Variants in PTPRG observed in about 807,000 individuals in gnomAD.
PTPRG encodes the protein protein tyrosine phosphatase receptor type G, also known as receptor-type tyrosine-protein phosphatase gamma.
A neutral mutation model predicts 165.3 loss-of-function variants in PTPRG; 102 were observed. The observed-to-expected ratio is 0.62, with a 90% confidence interval of 0.53 to 0.73. The LOEUF (loss-of-function observed/expected upper bound fraction) is 0.73. Ranked by LOEUF, PTPRG falls within the 30% of genes least tolerant of loss-of-function variation. PTPRG has a pLI of 0.00. For missense variants in PTPRG, 1,866 were observed against 1,861.4 expected, an observed-to-expected ratio of 1.00 and a Z score of -0.05; for synonymous variants, 675 against 669.5, an observed-to-expected ratio of 1.01 and a Z score of -0.13.
At chr3:61,793,797 GCT>G (rs1386905204) in intron 2 of PTPRG, among the ~76,000 whole-genome samples, 1 of 152,090 alleles carries the variant, frequency 6.6e-6, no homozygotes, top group African/African-American at 2.4e-5. Context: ...GTTTCCTTGA[GCT>G]AAAAGGACCA....
intron 8 of PTPRG, among the ~76,000 whole-genome samples, chr3:62,185,335 A>C (rs780256317): frequency 1.3e-5 from 2 of 152,196 alleles, no homozygotes; most frequent in African/African-American, 4.8e-5. Flanking sequence ...CACCTCCCGC[A>C]TGGTTAAAAG....
At chr3:62,012,270 C>A (rs188153533) in intron 4 of PTPRG, among the ~76,000 whole-genome samples, 1 of 152,090 alleles carries the variant, frequency 6.6e-6, no homozygotes, top group Non-Finnish European at 1.5e-5. Context: ...AATCTGGGCT[C>A]GAATATCTCC....
intron 1 of PTPRG, among the ~76,000 whole-genome samples, chr3:61,642,998 C>G (rs1358626521): frequency 6.6e-6 from 1 of 152,134 alleles, no homozygotes; most frequent in Admixed American, 6.5e-5. Context: ...TTTACAGTAA[C>G]TACAGAGGAC....
rs954373441 is a variant in PTPRG, at chr3:62,004,308, C to T, written c.519+811C>T. ...GTGGAAGAACAAAATAGATGTGGTT[C>T]TGAAACCTGCCCAATAGTCCTATAG... is the stretch of plus-strand genomic sequence containing the variant. On this transcript the variant is annotated intron_variant, in intron 4 of 29. Transcript: ENST00000474889. 1.4e-4 allele frequency among the ~76,000 whole-genome samples: 22 copies of T among 152,156 alleles called. 1 individual carries two copies. The highest frequency in any genetic ancestry group is 1.4e-3 in the Admixed American group (22 of 15,278).
At chr3:61,653,613 G>A (rs917629928) in intron 1 of PTPRG, among the ~76,000 whole-genome samples, 5 of 152,142 alleles carry the variant, frequency 3.3e-5, no homozygotes, top group Non-Finnish European at 7.3e-5. Flanking sequence ...GTCCAGCTGC[G>A]TATGTGTAGC....
intron 5 of PTPRG, among the ~76,000 whole-genome samples, chr3:62,102,686 C>T (rs1702333106): frequency 1.3e-5 from 2 of 152,018 alleles, no homozygotes. Context: ...CAGAATAAAT[C>T]ATCACTACTC....
chr3:61,767,597 G>T (rs189005005), intron 2 of PTPRG, among the ~76,000 whole-genome samples: 135 of 152,280 alleles, frequency 8.9e-4, no homozygotes, highest in African/African-American at 3.2e-3. Flanking sequence ...AATATAAAAG[G>T]TAGAAAATAT....
At position 62,190,043 on chromosome 3, in the gene PTPRG, TTCCTCTCCC is replaced by T. The variant is rs1267539377; in HGVS notation, c.1034-1413_1034-1405del. Among the ~76,000 whole-genome samples, 1 of 152,142 alleles carries T rather than the reference TTCCTCTCCC, an allele frequency of 6.6e-6. No homozygotes were observed. Among genetic ancestry groups the T allele is most frequent in the South Asian group, 2.1e-4 (1 of 4,828 alleles). On this transcript the variant is annotated intron_variant, in intron 8 of 29. Coordinates refer to ENST00000474889, the MANE Select transcript of PTPRG (RefSeq NM_002841.4). The surrounding 1 kb of genome is among the most constrained non-coding windows in gnomAD (Gnocchi z 5.2). ...TGGGTGCCAAAGCCCGAGCCACCTC[TTCCTCTCCC>T]TCCTCTCCCTCCATCCTGTCCTGGC...
chr3:62,248,153 C>G (rs944685286), intron 15 of PTPRG, among the ~76,000 whole-genome samples: 2 of 152,006 alleles, frequency 1.3e-5, no homozygotes, highest in African/African-American at 4.8e-5. Flanking sequence ...AGTATTTATC[C>G]AGCTTGAAAG....
At chr3:61,767,665 T>G (rs1391938873) in intron 2 of PTPRG, among the ~76,000 whole-genome samples, 1 of 152,142 alleles carries the variant, frequency 6.6e-6, no homozygotes, top group East Asian at 1.9e-4. Flanking sequence ...TAAATGCAAG[T>G]TAAGATGAAT....
rs772315604 is a variant in PTPRG, at chr3:62,168,012, C to T, written c.882C>T (p.Asp294=). 3.1e-6 allele frequency: 5 copies of T among 1,613,702 alleles called. No homozygotes were observed. The Admixed American group carries it at 6.7e-5, about 22-fold the overall frequency. The change falls in exon 8 of 30, where the codon GAC becomes GAT. Residue 294 remains aspartate, a synonymous_variant. Coordinates refer to ENST00000474889, the MANE Select transcript of PTPRG (RefSeq NM_002841.4). ...FYSIFTTEQQ[D]HVKSVEYLRN... ...CCATCTTCACCACGGAGCAGCAAGA[C>T]CATGTCAAGTCGGTGGAGTATCTGA...
intron 5 of PTPRG, among the ~76,000 whole-genome samples, chr3:62,111,807 A>T (rs1702677926): frequency 6.6e-6 from 1 of 152,052 alleles, no homozygotes; most frequent in Non-Finnish European, 1.5e-5. Context: ...TTTCCTTTAA[A>T]TGTCAATTGT....
chr3:61,619,378 T>G (rs769406675), intron 1 of PTPRG, among the ~76,000 whole-genome samples: 7 of 152,088 alleles, frequency 4.6e-5, no homozygotes, highest in Non-Finnish European at 7.4e-5. Flanking sequence ...ATAGTTTTGT[T>G]CTCTTCCAAG....
chr3:62,105,553 GT>G (rs912215982), intron 5 of PTPRG, among the ~76,000 whole-genome samples: 4 of 152,164 alleles, frequency 2.6e-5, no homozygotes, highest in Admixed American at 6.5e-5. Context: ...GATAAGATTA[GT>G]TTACTTGTCT....
At chr3:61,835,974 A>G (rs538357693) in intron 2 of PTPRG, among the ~76,000 whole-genome samples, 21 of 151,686 alleles carry the variant, frequency 1.4e-4, no homozygotes, top group Middle Eastern at 3.4e-3. Context: ...TGGGAGGTGG[A>G]GGATGCGGTG....
chr3:61,654,040 G>A (rs1041483843), intron 1 of PTPRG, among the ~76,000 whole-genome samples: 1 of 152,204 alleles, frequency 6.6e-6, no homozygotes, highest in Non-Finnish European at 1.5e-5. Context: ...GGGAACATGA[G>A]ATACATGCCC....
At chr3:61,899,881 C>G (rs2038455173) in intron 2 of PTPRG, among the ~76,000 whole-genome samples, 2 of 152,214 alleles carry the variant, frequency 1.3e-5, no homozygotes. Flanking sequence ...AGGAAAATCA[C>G]TTAACCTTTT....
intron 1 of PTPRG, among the ~76,000 whole-genome samples, chr3:61,672,425 G>T (rs1313611280): frequency 7.4e-6 from 1 of 135,576 alleles, no homozygotes; most frequent in Non-Finnish European, 1.6e-5. Flanking sequence ...TCCAGCCTGG[G>T]CACCATTGAG....
chr3:62,207,953 G>A (rs1404299552), intron 12 of PTPRG, among the ~76,000 whole-genome samples: 2 of 152,208 alleles, frequency 1.3e-5, no homozygotes, highest in African/African-American at 4.8e-5. Flanking sequence ...CTGCCAGTGA[G>A]AATGCCTAGT....
Sources: allele counts gnomAD v4.1 joint callset (sites outside exome capture counted in the v4.1 genomes callset), GRCh38; gene constraint gnomAD v4.1.1; non-coding constraint Gnocchi (gnomAD v3.1); transcripts MANE v1.5; gene names NCBI Gene and HGNC (gene_info 2026-07-23, HGNC 2026-07-21).